FGF14: variants seen among roughly 807,000 people sequenced by gnomAD.
FGF14 encodes fibroblast growth factor 14.
FGF14 carries 5 observed loss-of-function variants against 25.5 expected under a neutral mutation model. That is an observed-to-expected ratio of 0.20 (90% confidence interval 0.10 to 0.41). The LOEUF is 0.41. Ranked by LOEUF, FGF14 falls within the 10% of genes least tolerant of loss-of-function variation. FGF14 has a pLI of 1.00. For missense variants in FGF14, 222 were observed against 320.1 expected, an observed-to-expected ratio of 0.69 and a Z score of 2.34; for synonymous variants, 138 against 118.3, an observed-to-expected ratio of 1.17 and a Z score of -1.08.
chr13:101,931,736 A>C (rs2034764951), intron 1 of FGF14, among the ~76,000 whole-genome samples: 1 of 152,220 alleles, frequency 6.6e-6, no homozygotes, highest in African/African-American at 2.4e-5. Context: ...CACATCAGAA[A>C]TGCACACCAC....
intron 3 of FGF14, chr13:101,868,297 T>G: frequency 4.8e-6 from 1 of 208,880 alleles, no homozygotes; most frequent in Non-Finnish European, 9.7e-6. Context: ...CATTTCAATA[T>G]TATAAGTAGT....
chr13:101,953,150 T>G (rs537231459), intron 1 of FGF14, among the ~76,000 whole-genome samples: 17 of 152,366 alleles, frequency 1.1e-4, no homozygotes, highest in South Asian at 1.0e-3. Context: ...CGTCAACAGT[T>G]GTTCTATGTC....
intron 1 of FGF14, among the ~76,000 whole-genome samples, chr13:102,119,334 G>C (rs374670360): frequency 6.6e-6 from 1 of 152,126 alleles, no homozygotes; most frequent in Non-Finnish European, 1.5e-5. Flanking sequence ...AGACTATATC[G>C]TGGGGAGAGG....
At position 101,916,433 on chromosome 13, in the gene FGF14, C is replaced by G. The variant is rs190088993; in HGVS notation, c.193+20G>C. On this transcript the variant is annotated intron_variant, in intron 1 of 4. Transcript: ENST00000376143. ...AGGGGGCGACCCGGGGCGCATCTCC[C>G]GACCATGACCCCCACAGACCTTGGC... 3 of 1,613,720 alleles carry G rather than the reference C, an allele frequency of 1.9e-6. No homozygotes were observed. Among genetic ancestry groups the G allele is most frequent in the Middle Eastern group, 1.6e-4 (1 of 6,062 alleles).
intron 1 of FGF14, among the ~76,000 whole-genome samples, chr13:101,973,269 A>C (rs1434532956): frequency 2.0e-5 from 3 of 152,158 alleles, no homozygotes; most frequent in Non-Finnish European, 4.4e-5. Context: ...TAGTCATGGA[A>C]ACCTGCTAAT....
chr13:102,353,576 T>C (rs1240838641), intron 1 of FGF14, among the ~76,000 whole-genome samples: 1 of 152,206 alleles, frequency 6.6e-6, no homozygotes, highest in Admixed American at 6.5e-5. Flanking sequence ...AGCTTCCTTT[T>C]CACACCTCCA....
At chr13:102,084,232 T>G (rs2043780114) in intron 1 of FGF14, among the ~76,000 whole-genome samples, 1 of 152,096 alleles carries the variant, frequency 6.6e-6, no homozygotes. Context: ...ACTCTGTTTC[T>G]TTATTTTTCT....
intron 3 of FGF14, among the ~76,000 whole-genome samples, chr13:101,790,838 A>G (rs1481137925): frequency 6.6e-6 from 1 of 152,190 alleles, no homozygotes; most frequent in East Asian, 1.9e-4. Flanking sequence ...GAAGTAGAAA[A>G]GAGTAATTAG....
intron 1 of FGF14, among the ~76,000 whole-genome samples, chr13:101,950,017 C>A (rs577902774): frequency 6.6e-6 from 1 of 150,966 alleles, no homozygotes; most frequent in Non-Finnish European, 1.5e-5. Context: ...CTTTTTTTTT[C>A]ATTTTCCTCC....
intron 1 of FGF14, among the ~76,000 whole-genome samples, chr13:102,089,203 C>T (rs960540080): frequency 6.6e-6 from 1 of 152,140 alleles, no homozygotes; most frequent in Non-Finnish European, 1.5e-5. Flanking sequence ...ATGATCACAA[C>T]ACAGCCAGAC....
At chr13:102,113,687 T>C (rs532087359) in intron 1 of FGF14, among the ~76,000 whole-genome samples, 2 of 152,298 alleles carry the variant, frequency 1.3e-5, no homozygotes, top group East Asian at 1.9e-4. Context: ...GCTGTGTAGC[T>C]ACATTTGAGA....
intron 1 of FGF14, among the ~76,000 whole-genome samples, chr13:102,188,193 G>T (rs955016814): frequency 6.6e-6 from 1 of 152,058 alleles, no homozygotes; most frequent in Admixed American, 6.6e-5. Flanking sequence ...TGTTCTGTTG[G>T]GGTCAGTGAG....
At chr13:102,030,358 C>T (rs2041149873) in intron 1 of FGF14, among the ~76,000 whole-genome samples, 1 of 151,900 alleles carries the variant, frequency 6.6e-6, no homozygotes. Flanking sequence ...GAGGCAGGGA[C>T]CCCACGGGGT....
chr13:101,954,513 A>G (rs2036387363), intron 1 of FGF14, among the ~76,000 whole-genome samples: 1 of 152,244 alleles, frequency 6.6e-6, no homozygotes, highest in African/African-American at 2.4e-5. Flanking sequence ...ACATTCCTTT[A>G]TGCTTGCAAG....
intron 1 of FGF14, among the ~76,000 whole-genome samples, chr13:102,240,634 A>G (rs1011560661): frequency 6.6e-6 from 1 of 152,196 alleles, no homozygotes; most frequent in African/African-American, 2.4e-5. Flanking sequence ...CTCAGTAAGT[A>G]TTGCTGGAAG....
chr13:102,092,845 G>A (rs1241394178), intron 1 of FGF14, among the ~76,000 whole-genome samples: 1 of 151,932 alleles, frequency 6.6e-6, no homozygotes, highest in East Asian at 1.9e-4. Context: ...AGAAGAAAAG[G>A]GAAAAAGACA....
At chr13:102,010,067 C>T (rs1944094502) in intron 1 of FGF14, among the ~76,000 whole-genome samples, 1 of 152,038 alleles carries the variant, frequency 6.6e-6, no homozygotes, top group Non-Finnish European at 1.5e-5. Flanking sequence ...AACAGTGGAG[C>T]AGAGGAAAAG....
chr13:102,061,360 G>A (rs1004805469), intron 1 of FGF14, among the ~76,000 whole-genome samples: 7 of 152,234 alleles, frequency 4.6e-5, no homozygotes, highest in Admixed American at 1.3e-4. Flanking sequence ...CCGTGGGGCA[G>A]AGCCCTGCCA....
chr13:102,044,200 A>G (rs1444928133), intron 1 of FGF14, among the ~76,000 whole-genome samples: 1 of 152,092 alleles, frequency 6.6e-6, no homozygotes, highest in African/African-American at 2.4e-5. Flanking sequence ...CCTTGACTCC[A>G]TAGGGAGCTG....
Sources: allele counts gnomAD v4.1 joint callset (sites outside exome capture counted in the v4.1 genomes callset), GRCh38; gene constraint gnomAD v4.1.1; transcripts MANE v1.5; gene names NCBI Gene and HGNC (gene_info 2026-07-23, HGNC 2026-07-21).